Variants in CNTNAP2 observed in about 807,000 individuals in gnomAD.
CNTNAP2 encodes the protein contactin associated protein 2.
In CNTNAP2, 98 loss-of-function variants were observed where a neutral mutation model predicts 155.2. The observed-to-expected ratio is 0.63, with a 90% confidence interval of 0.54 to 0.75. The LOEUF (loss-of-function observed/expected upper bound fraction) is 0.75, where lower values mean the gene tolerates loss of function less well. CNTNAP2 is among the 30% of genes least tolerant of loss of function. CNTNAP2 has a pLI of 0.00. For missense variants in CNTNAP2, 1,727 were observed against 1,688.1 expected, an observed-to-expected ratio of 1.02 and a Z score of -0.40; for synonymous variants, 651 against 631.2, an observed-to-expected ratio of 1.03 and a Z score of -0.47.
At chr7:146,512,585 G>A (rs1348683641) in intron 1 of CNTNAP2, among the ~76,000 whole-genome samples, 4 of 150,480 alleles carry the variant, frequency 2.7e-5, no homozygotes, top group African/African-American at 4.9e-5. Context: ...TCATATATTC[G>A]TAGAGTTTCC....
At chr7:146,159,632 A>G (rs1035879282) in intron 1 of CNTNAP2, among the ~76,000 whole-genome samples, 3 of 152,194 alleles carry the variant, frequency 2.0e-5, no homozygotes, top group Non-Finnish European at 4.4e-5. Context: ...AAAAGATTGA[A>G]AGAGACAAAG....
intron 13 of CNTNAP2, among the ~76,000 whole-genome samples, chr7:147,801,926 T>A (rs1386966888): frequency 2.4e-5 from 3 of 126,126 alleles, no homozygotes; most frequent in Admixed American, 2.2e-4. Flanking sequence ...CCTCACCTCC[T>A]GGACGGGGCG....
chr7:146,187,254 C>A (rs1798637528), intron 1 of CNTNAP2, among the ~76,000 whole-genome samples: 1 of 152,142 alleles, frequency 6.6e-6, no homozygotes, highest in South Asian at 2.1e-4. Context: ...CGTTAGCACC[C>A]TTGCTTCAGA....
chr7:146,411,856 A>C (rs997785850), intron 1 of CNTNAP2, among the ~76,000 whole-genome samples: 4 of 145,662 alleles, frequency 2.7e-5, no homozygotes, highest in African/African-American at 1.1e-4. Flanking sequence ...ATTTTATTTG[A>C]GATAGAGTCT....
intron 3 of CNTNAP2, among the ~76,000 whole-genome samples, chr7:146,986,901 TC>T (rs1040889571): frequency 3.3e-5 from 5 of 152,070 alleles, no homozygotes; most frequent in Admixed American, 2.6e-4. Context: ...ATAGTTTTTT[TC>T]TTTTTTACTA....
intron 14 of CNTNAP2, among the ~76,000 whole-genome samples, chr7:147,966,721 A>C (rs1057156443): frequency 1.3e-5 from 2 of 152,092 alleles, no homozygotes; most frequent in African/African-American, 4.8e-5. Flanking sequence ...GCCCACAACC[A>C]TCATCACCAT....
intron 1 of CNTNAP2, among the ~76,000 whole-genome samples, chr7:146,246,995 C>A (rs757598960): frequency 4.6e-5 from 7 of 152,054 alleles, no homozygotes; most frequent in South Asian, 4.1e-4. Context: ...ACGTTGAAGG[C>A]GAGGTTAATT....
At chr7:147,406,526 A>G (rs986832070) in intron 10 of CNTNAP2, among the ~76,000 whole-genome samples, 21 of 152,010 alleles carry the variant, frequency 1.4e-4, no homozygotes, top group African/African-American at 4.6e-4. Flanking sequence ...ACTGCCCAAA[A>G]ACTAGTTTTA....
chr7:146,502,239 A>ATATATATATATGAATATATATGTG lies in CNTNAP2; in HGVS notation c.98-272021_98-272020insGAATATATATGTGTATATATATAT, dbSNP rs1563109688. Among the ~76,000 whole-genome samples the ATATATATATATGAATATATATGTG allele has an allele frequency of 3.5e-4, 42 of 120,218 alleles. 1 individual carries two copies. The highest frequency in any genetic ancestry group is 1.5e-3 in the African/African-American group (42 of 28,102). The allele number at this position is 120,218 out of a possible 152,430, so 78.9% of individuals were successfully genotyped here. A position where few individuals can be genotyped will look rare whatever the true frequency, so the allele number is the denominator to read the frequency against. On this transcript the variant is annotated intron_variant, in intron 1 of 23. Transcript: ENST00000361727. ...TATATATATGAATATATATATATAT[A>ATATATATATATGAATATATATGTG]TATATATATATATATATATATGTCA...
chr7:146,483,782 A>G (rs1475394992), intron 1 of CNTNAP2, among the ~76,000 whole-genome samples: 1 of 152,130 alleles, frequency 6.6e-6, no homozygotes, highest in Non-Finnish European at 1.5e-5. Context: ...TTTGAGTTAG[A>G]TTTATTACAA....
intron 3 of CNTNAP2, among the ~76,000 whole-genome samples, chr7:147,011,908 G>T (rs548718266): frequency 6.6e-6 from 1 of 152,292 alleles, no homozygotes; most frequent in African/African-American, 2.4e-5. Flanking sequence ...GATAAGCCTG[G>T]CTGGGTTTCC....
At chr7:147,060,703 A>AT (rs774770131) in intron 4 of CNTNAP2, among the ~76,000 whole-genome samples, 7 of 152,124 alleles carry the variant, frequency 4.6e-5, no homozygotes, top group Admixed American at 6.5e-5. Context: ...TCTACTAAAA[A>AT]ATACAAAAAA....
chr7:147,048,504 A>G (rs1244253290), intron 4 of CNTNAP2, among the ~76,000 whole-genome samples: 2 of 152,182 alleles, frequency 1.3e-5, no homozygotes, highest in Non-Finnish European at 2.9e-5. Flanking sequence ...ATAATCTGTT[A>G]TAGCAACAAC....
chr7:148,018,419 TA>T (rs1214217713), intron 15 of CNTNAP2, among the ~76,000 whole-genome samples: 1 of 152,130 alleles, frequency 6.6e-6, no homozygotes, highest in Admixed American at 6.5e-5. Context: ...AGGATGGCGG[TA>T]AATATAAGCA....
chr7:148,177,199 A>T (rs1794953023), intron 18 of CNTNAP2, among the ~76,000 whole-genome samples: 1 of 152,228 alleles, frequency 6.6e-6, no homozygotes, highest in African/African-American at 2.4e-5. Flanking sequence ...TTCAGAATAC[A>T]ACGTTGTTTG....
At chr7:147,463,232 T>G (rs918156901) in intron 10 of CNTNAP2, among the ~76,000 whole-genome samples, 1 of 152,184 alleles carries the variant, frequency 6.6e-6, no homozygotes, top group Admixed American at 6.5e-5. Flanking sequence ...TGTGAGACCT[T>G]TGGAAAGCTG....
chr7:146,647,662 A>G (rs926417179), intron 1 of CNTNAP2, among the ~76,000 whole-genome samples: 1 of 152,130 alleles, frequency 6.6e-6, no homozygotes, highest in African/African-American at 2.4e-5. Flanking sequence ...GCGAAAAGAA[A>G]AACATAAGGT....
At chr7:147,270,887 C>T (rs537413907) in intron 8 of CNTNAP2, among the ~76,000 whole-genome samples, 15 of 152,242 alleles carry the variant, frequency 9.9e-5, no homozygotes, top group Admixed American at 9.8e-4. Flanking sequence ...TGGTGGCAGC[C>T]TCCACTCTGG....
In CNTNAP2 at chr7:147,821,772, G is replaced by A. The variant is rs181476350; in HGVS notation, c.2099-81793G>A. ...ATGTGGTGCAGAATAAAATTGCGGCGACAGGTAGGGACTAAATCAAGCTGA... is the reference window on the plus strand; with the variant it reads ...ATGTGGTGCAGAATAAAATTGCGGCAACAGGTAGGGACTAAATCAAGCTGA... On this transcript the variant is annotated intron_variant, in intron 13 of 23. Coordinates refer to ENST00000361727, the MANE Select transcript of CNTNAP2 (RefSeq NM_014141.6). 1.6e-3 allele frequency among the ~76,000 whole-genome samples: 243 copies of A among 152,214 alleles called. 1 individual carries two copies. The highest frequency in any genetic ancestry group is 5.5e-3 in the African/African-American group (228 of 41,552).
Sources: gnomAD v4.1 joint callset for allele counts (sites outside exome capture counted in the v4.1 genomes callset) on GRCh38, gnomAD v4.1.1 for gene constraint, MANE v1.5 for transcripts, NCBI Gene and HGNC (gene_info 2026-07-23, HGNC 2026-07-21) for gene names.